ZBTB20: variants seen among roughly 807,000 people sequenced by gnomAD.
ZBTB20 encodes zinc finger and BTB domain-containing protein 20.
Under a neutral mutation model 56.9 loss-of-function variants are expected in ZBTB20, and 9 were observed. The ratio of observed to expected loss-of-function variants is 0.16; its 90% CI spans 0.10 to 0.28. The LOEUF (loss-of-function observed/expected upper bound fraction) is 0.28, where lower values mean the gene tolerates loss of function less well. Among genes scored for constraint, ZBTB20 ranks in the 10% least tolerant of loss-of-function variants. The pLI, the probability that ZBTB20 is intolerant of heterozygous loss-of-function variation, is 1.00. For missense variants in ZBTB20, 655 were observed against 1,003.0 expected, an observed-to-expected ratio of 0.65 and a Z score of 4.69; for synonymous variants, 417 against 420.7, an observed-to-expected ratio of 0.99 and a Z score of 0.11.
chr3:114,637,739 A>T (rs1172841635), intron 6 of ZBTB20, among the ~76,000 whole-genome samples: 1 of 152,132 alleles, frequency 6.6e-6, no homozygotes, highest in Non-Finnish European at 1.5e-5. Context: ...TCTTCAAAGA[A>T]TAAAGGAATT....
chr3:114,486,119 A>AGTGTGTGT (rs150394898), intron 7 of ZBTB20, among the ~76,000 whole-genome samples: 392 of 26,788 alleles, frequency 0.015, 91 homozygotes, highest in Admixed American at 0.027. Context: ...GGTCAGTAAG[A>AGTGTGTGT]GTGTGTGTGT....
At chr3:114,362,815 G>A (rs2082027985) in intron 10 of ZBTB20, among the ~76,000 whole-genome samples, 1 of 152,184 alleles carries the variant, frequency 6.6e-6, no homozygotes, top group Non-Finnish European at 1.5e-5. Flanking sequence ...TGATGTGATA[G>A]AAAAATGATC....
chr3:114,330,329 T>C lies in ZBTB20; in HGVS notation c.*8676A>G, dbSNP rs1321639177. On this transcript the variant is annotated 3_prime_UTR_variant, in exon 12 of 12. Coordinates refer to ENST00000675478, the MANE Select transcript of ZBTB20 (RefSeq NM_001348800.3). ...GTGATATAAGCAAAGACATAATATT[T>C]CAATCAACTCATGATCATAGGCAGA... 6.6e-6 allele frequency: 1 copy of C among 152,160 alleles called. No individual in the cohort carries two copies. The highest frequency in any genetic ancestry group is 2.4e-5 in the African/African-American group (1 of 41,434). The allele number at this position is 152,160 out of a possible 1,614,324, so 9.4% of individuals were successfully genotyped here.
intron 5 of ZBTB20, among the ~76,000 whole-genome samples, chr3:114,749,581 AAGGAAG>A (rs1376283650): frequency 7.3e-6 from 1 of 137,380 alleles, no homozygotes; most frequent in Non-Finnish European, 1.6e-5. Flanking sequence ...GGAAGGAAGG[AAGGAAG>A]GAAGGAAGGA....
intron 1 of ZBTB20, among the ~76,000 whole-genome samples, chr3:115,092,615 T>C (rs1646162531): frequency 6.6e-6 from 1 of 152,126 alleles, no homozygotes. Context: ...AGAAGTGAAC[T>C]GCTTGCTATT....
At chr3:114,703,314 T>C (rs1244690503) in intron 5 of ZBTB20, among the ~76,000 whole-genome samples, 1 of 152,156 alleles carries the variant, frequency 6.6e-6, no homozygotes, top group East Asian at 1.9e-4. Context: ...GGTAGACTAA[T>C]GACAGAAAAA....
chr3:115,074,058 T>G (rs2082510196), intron 1 of ZBTB20, among the ~76,000 whole-genome samples: 1 of 152,184 alleles, frequency 6.6e-6, no homozygotes, highest in African/African-American at 2.4e-5. Context: ...AATTCTTTAT[T>G]TCCACTATTA....
chr3:114,684,113 G>A (rs2062169171), intron 6 of ZBTB20, among the ~76,000 whole-genome samples: 1 of 152,176 alleles, frequency 6.6e-6, no homozygotes, highest in South Asian at 2.1e-4. Context: ...AAAATGACAT[G>A]TTGTTAATAG....
chr3:114,801,259 C>T (rs2071685056), intron 4 of ZBTB20, 85 bp from the exon 5 acceptor site: 1 of 147,626 alleles, frequency 6.8e-6, no homozygotes, highest in South Asian at 2.1e-4. Context: ...AATGTTTCAC[C>T]ATCCAAAGCA....
chr3:114,372,664 A>C (rs578023347), intron 10 of ZBTB20, among the ~76,000 whole-genome samples: 6 of 151,672 alleles, frequency 4.0e-5, no homozygotes, highest in East Asian at 2.0e-4. Context: ...CTCACCTCTA[A>C]AATACAAACA....
intron 10 of ZBTB20, among the ~76,000 whole-genome samples, chr3:114,373,583 C>T (rs2083279903): frequency 6.6e-6 from 1 of 152,090 alleles, no homozygotes; most frequent in African/African-American, 2.4e-5. Flanking sequence ...AGTTTAATTT[C>T]ATTTTTGGTG....
intron 5 of ZBTB20, among the ~76,000 whole-genome samples, chr3:114,743,014 A>T (rs2066733703): frequency 6.6e-6 from 1 of 152,110 alleles, no homozygotes; most frequent in South Asian, 2.1e-4. Flanking sequence ...TCACTTTGAC[A>T]TCTTTTTTTT....
chr3:114,937,247 G>A (rs1194699073), intron 3 of ZBTB20, among the ~76,000 whole-genome samples: 2 of 152,126 alleles, frequency 1.3e-5, no homozygotes. Context: ...GTGTAAAAGC[G>A]TTCTTATTTC....
intron 4 of ZBTB20, among the ~76,000 whole-genome samples, chr3:114,837,930 T>C (rs959066001): frequency 3.3e-5 from 5 of 152,170 alleles, no homozygotes; most frequent in African/African-American, 1.2e-4. Context: ...GACTCTCTCA[T>C]GAATTAGTTC....
At chr3:114,652,780 T>C (rs1309453967) in intron 6 of ZBTB20, among the ~76,000 whole-genome samples, 2 of 152,094 alleles carry the variant, frequency 1.3e-5, no homozygotes, top group East Asian at 1.9e-4. Context: ...TGGGGAAAAA[T>C]GACACTTTAG....
intron 1 of ZBTB20, among the ~76,000 whole-genome samples, chr3:115,095,829 T>C (rs1276474984): frequency 6.6e-6 from 1 of 152,228 alleles, no homozygotes; most frequent in Non-Finnish European, 1.5e-5. Flanking sequence ...AATTCAGGTA[T>C]TCTCTAGAAT....
chr3:114,784,325 G>A (rs941277453), intron 5 of ZBTB20, among the ~76,000 whole-genome samples: 5 of 152,170 alleles, frequency 3.3e-5, no homozygotes, highest in African/African-American at 1.2e-4. Context: ...CTAAGCAGTA[G>A]ATGAACAGAA....
In ZBTB20 at chr3:114,536,870, C is replaced by T. The variant is rs949719896; in HGVS notation, c.-294-36479G>A. The stretch of plus-strand genomic sequence containing the variant: ...ACCATCTGATCTTTGACAAACCTGA[C>T]AAAAACAAGAAAAGGGGAAAAGATT... On this transcript the variant is annotated intron_variant, in intron 6 of 11. Coordinates refer to ENST00000675478, the MANE Select transcript of ZBTB20 (RefSeq NM_001348800.3). Among the ~76,000 whole-genome samples the T allele has an allele frequency of 3.4e-4, 51 of 151,958 alleles. 1 individual carries two copies. Among genetic ancestry groups the T allele is most frequent in the Admixed American group, 3.1e-3 (47 of 15,234 alleles).
At chr3:114,887,283 G>A (rs1347314053) in intron 4 of ZBTB20, among the ~76,000 whole-genome samples, 1 of 152,112 alleles carries the variant, frequency 6.6e-6, no homozygotes, top group Non-Finnish European at 1.5e-5. Flanking sequence ...ATAGCAGTGT[G>A]TAAATAAGTC....
Sources: allele counts gnomAD v4.1 joint callset (sites outside exome capture counted in the v4.1 genomes callset), GRCh38; gene constraint gnomAD v4.1.1; transcripts MANE v1.5; gene names NCBI Gene and HGNC (gene_info 2026-07-23, HGNC 2026-07-21).